KLB: variants seen among roughly 807,000 people sequenced by gnomAD.
KLB encodes klotho beta.
A neutral mutation model predicts 88.4 loss-of-function variants in KLB; 44 were observed. The observed-to-expected ratio is 0.50, with a 90% CI of 0.39 to 0.64. The LOEUF is 0.64. Among genes scored for constraint, KLB ranks in the 30% least tolerant of loss-of-function variants. The probability of loss-of-function intolerance (pLI) is 0.00; values close to 1 mark genes in which losing one functional copy is unlikely to be tolerated. For synonymous variants in KLB, 548 were observed against 513.4 expected (o/e 1.07, Z -0.91); for missense variants, 1,137 against 1,304.8 (o/e 0.87, Z 1.98).
In KLB at chr4:39,446,487, G is replaced by T; in HGVS notation, c.1761G>T (p.Glu587Asp). 1 of 1,614,242 alleles carries T rather than the reference G, an allele frequency of 6.2e-7. No homozygotes were observed. The highest frequency in any genetic ancestry group is 8.5e-7 in the Non-Finnish European group (1 of 1,180,044). ...TDFVNIKKQLEMLARMKVTHY... is the reference protein window; with the variant it reads ...TDFVNIKKQLDMLARMKVTHY... Reference sequence around the variant, plus strand: ...TTGTAAACATCAAAAAACAACTTGAGATGTTGGCAAGAATGAAAGTCACCC... The same window carrying T: ...TTGTAAACATCAAAAAACAACTTGATATGTTGGCAAGAATGAAAGTCACCC... Residue 587 changes from glutamate to aspartate, a missense_variant, in exon 4 of 5, where the codon GAG (glutamate) becomes GAT (aspartate). By Grantham distance (45) the Glu-to-Asp change is conservative. Transcript: ENST00000257408. The surrounding 1 kb of genome is among the most constrained non-coding windows in gnomAD (Gnocchi z 6.4).
chr4:39,448,175 C>A, intron 4 of KLB, 126 bp from the exon 5 acceptor site: 1 of 636,064 alleles, frequency 1.6e-6, no homozygotes, highest in East Asian at 2.9e-5. Flanking sequence ...CAAAAAAAAC[C>A]CTCTAATAAA....
chr4:39,429,377 C>G lies in KLB; in HGVS notation c.826-4833C>G, dbSNP rs1743289628. Among the ~76,000 whole-genome samples the G allele has an allele frequency of 5.3e-5, 8 of 152,256 alleles. No individual in the cohort carries two copies. In the South Asian group the frequency reaches 1.7e-3, roughly 32 times the overall value. On this transcript the variant is annotated intron_variant, in intron 1 of 4. Coordinates refer to ENST00000257408, the MANE Select transcript of KLB (RefSeq NM_175737.4). ...TCTTCATCTATTTCTAAAGTTGTGC[C>G]TACTATCTTATTTGTTTCCTATCAT... is the stretch of plus-strand genomic sequence containing the variant.
intron 2 of KLB, among the ~76,000 whole-genome samples, chr4:39,436,837 G>A (rs1374147915): frequency 6.6e-6 from 1 of 151,948 alleles, no homozygotes; most frequent in Non-Finnish European, 1.5e-5. Flanking sequence ...AGCCTCCCGA[G>A]TAGCTGGGAT....
intron 1 of KLB, among the ~76,000 whole-genome samples, chr4:39,429,230 C>T (rs1178509412): frequency 6.6e-6 from 1 of 152,182 alleles, no homozygotes; most frequent in African/African-American, 2.4e-5. Flanking sequence ...GGAAATGGAA[C>T]TTTTGACAAA....
rs775336960 is a variant in KLB, at chr4:39,446,556, C to T, written c.1830C>T (p.Gly610=). The change falls in exon 4 of 5, where the codon GGC becomes GGT. Residue 610 remains glycine (G), a synonymous_variant. Coordinates refer to ENST00000257408, the MANE Select transcript of KLB (RefSeq NM_175737.4). The surrounding 1 kb of genome is among the most constrained non-coding windows in gnomAD (Gnocchi z 6.4). ...ATTGGGCCTCGGTCCTTCCCACTGG[C>T]AACCTGTCCGCGGTGAACCGACAGG... is the stretch of plus-strand genomic sequence containing the variant. ...ALDWASVLPT[G]NLSAVNRQAL... 2 of 1,614,254 alleles carry T rather than the reference C, an allele frequency of 1.2e-6. No individual in the cohort carries two copies. Among genetic ancestry groups the T allele is most frequent in the East Asian group, 4.5e-5 (2 of 44,892 alleles).
chr4:39,448,551 G>C lies in KLB; in HGVS notation c.3000G>C (p.Leu1000=). The change falls in exon 5 of 5, where the codon CTG becomes CTC. Residue 1000 remains leucine (L), a synonymous_variant. Coordinates refer to ENST00000257408, the MANE Select transcript of KLB (RefSeq NM_175737.4). The stretch of plus-strand genomic sequence containing the variant: ...TGCAGAAGAAACCACTGATATTCCT[G>C]GGTTGTTGCTTCTTCTCCACCCTGG... The part of the protein sequence containing the change: ...FLVQKKPLIF[L]GCCFFSTLVL... The C allele has an allele frequency of 6.2e-7, 1 of 1,614,152 alleles. No homozygotes were observed. Among genetic ancestry groups the C allele is most frequent in the South Asian group, 1.1e-5 (1 of 91,084 alleles).
At chr4:39,438,852 C>G (rs1743535235) in intron 3 of KLB, among the ~76,000 whole-genome samples, 1 of 142,828 alleles carries the variant, frequency 7.0e-6, no homozygotes, top group Admixed American at 7.2e-5. Flanking sequence ...TTAGAGACCT[C>G]CCATTCCAAA....
chr4:39,426,260 A>AAAT (rs1362918460), intron 1 of KLB, among the ~76,000 whole-genome samples: 1 of 150,636 alleles, frequency 6.6e-6, no homozygotes, highest in Admixed American at 6.7e-5. Flanking sequence ...TCAAAAAAAA[A>AAAT]AAAAATTAGC....
chr4:39,415,224 TTTTATGTGTCAC>T (rs1742942202), intron 1 of KLB, among the ~76,000 whole-genome samples: 1 of 152,174 alleles, frequency 6.6e-6, no homozygotes, highest in African/African-American at 2.4e-5. Context: ...AAGTTTGGTT[TTTTATGTGTCAC>T]TTTATGTTCT....
chr4:39,431,340 C>A (rs1451604924), intron 1 of KLB, among the ~76,000 whole-genome samples: 1 of 152,148 alleles, frequency 6.6e-6, no homozygotes, highest in Non-Finnish European at 1.5e-5. Context: ...CAACCTCCGC[C>A]TCCTGGGTTC....
At chr4:39,432,068 C>T (rs1485820808) in intron 1 of KLB, among the ~76,000 whole-genome samples, 1 of 152,166 alleles carries the variant, frequency 6.6e-6, no homozygotes, top group Non-Finnish European at 1.5e-5. Flanking sequence ...GTGTGGATCA[C>T]CTGAGGTCAG....
chr4:39,441,011 A>C (rs1336855111), intron 3 of KLB, among the ~76,000 whole-genome samples: 1 of 152,064 alleles, frequency 6.6e-6, no homozygotes, highest in African/African-American at 2.4e-5. Flanking sequence ...GCCTGTCACC[A>C]TGCCCAGCTA....
chr4:39,413,563 A>G (rs550507536), intron 1 of KLB, among the ~76,000 whole-genome samples: 14 of 152,036 alleles, frequency 9.2e-5, no homozygotes, highest in African/African-American at 3.4e-4. Context: ...TGTCTCTACA[A>G]AAAATAAAAA....
At chr4:39,408,153 A>G (rs1742768956) in intron 1 of KLB, among the ~76,000 whole-genome samples, 1 of 152,206 alleles carries the variant, frequency 6.6e-6, no homozygotes, top group African/African-American at 2.4e-5. Flanking sequence ...ACCATTTCAA[A>G]TATGTATTTG....
intron 3 of KLB, among the ~76,000 whole-genome samples, chr4:39,443,207 T>C (rs1743652329): frequency 6.6e-6 from 1 of 152,052 alleles, no homozygotes. Context: ...GTTGAAGTAG[T>C]ATTACCAGAT....
chr4:39,435,510 C>T (rs1303704870), intron 2 of KLB, among the ~76,000 whole-genome samples: 1 of 151,906 alleles, frequency 6.6e-6, no homozygotes, highest in Admixed American at 6.6e-5. Context: ...ACTGCAACCT[C>T]CACCTCCCAG....
At chr4:39,422,576 T>A (rs1203176079) in intron 1 of KLB, among the ~76,000 whole-genome samples, 1 of 152,200 alleles carries the variant, frequency 6.6e-6, no homozygotes, top group Non-Finnish European at 1.5e-5. Flanking sequence ...GCACATTTGG[T>A]ACTAGATATG....
chr4:39,416,108 GACACACACAC>G (rs34831449), intron 1 of KLB, among the ~76,000 whole-genome samples: 1 of 142,982 alleles, frequency 7.0e-6, no homozygotes, highest in Non-Finnish European at 1.5e-5. Flanking sequence ...GTAGATTGCA[GACACACACAC>G]ACACACACAC....
In KLB at chr4:39,407,051, A is replaced by G. The variant is rs550703483; in HGVS notation, c.102A>G (p.Gly34=). 3 of 1,613,872 alleles carry G rather than the reference A, an allele frequency of 1.9e-6. No individual in the cohort carries two copies. The highest frequency in any genetic ancestry group is 2.7e-5 in the African/African-American group (2 of 74,918). ...ATAGGAATACAATGTCCAACGGGGG[A>G]TTGCAAAGATCTGTCATCCTGTCAG... The part of the protein sequence containing the change: ...TRYRNTMSNG[G]LQRSVILSAL... Residue 34 remains glycine, a synonymous_variant, in exon 1 of 5, where the codon GGA becomes GGG. Transcript: ENST00000257408.
Sources: allele counts gnomAD v4.1 joint callset (sites outside exome capture counted in the v4.1 genomes callset), GRCh38; gene constraint gnomAD v4.1.1; non-coding constraint Gnocchi (gnomAD v3.1); transcripts MANE v1.5; gene names NCBI Gene and HGNC (gene_info 2026-07-23, HGNC 2026-07-21).